ANO4: variants seen among roughly 807,000 people sequenced by gnomAD.
The protein encoded by ANO4 is anoctamin-4.
A neutral mutation model predicts 141.9 loss-of-function variants in ANO4; 69 were observed. The ratio of observed to expected loss-of-function variants is 0.49; its 90% CI spans 0.40 to 0.59. The LOEUF is 0.59. ANO4 is among the 20% of genes least tolerant of loss of function. ANO4 has a pLI of 0.00. For missense variants in ANO4, 894 were observed against 1,162.2 expected (o/e 0.77, Z 3.36); for synonymous variants, 350 against 394.3 (o/e 0.89, Z 1.33).
rs561435331 is a variant in ANO4 at position 100,976,731 on chromosome 12, C to T, written c.602+1842C>T. On this transcript the variant is annotated intron_variant, in intron 7 of 27. Coordinates refer to ENST00000392977, the MANE Select transcript of ANO4 (RefSeq NM_001286615.2). ...CAAGCTCCATCTTCTCATTAAAATA[C>T]GGATTTGACTGACTATGGGACGGGA... 8.5e-5 allele frequency among the ~76,000 whole-genome samples: 13 copies of T among 152,262 alleles called. No individual in the cohort carries two copies. In the South Asian group the frequency reaches 1.0e-3, roughly 12 times the overall value.
At chr12:100,745,890 T>A (rs2032079660) in intron 3 of ANO4, among the ~76,000 whole-genome samples, 1 of 152,140 alleles carries the variant, frequency 6.6e-6, no homozygotes, top group African/African-American at 2.4e-5. Flanking sequence ...ATCAGAAACA[T>A]CTTAGAAATA....
intron 5 of ANO4, among the ~76,000 whole-genome samples, chr12:100,963,631 T>C (rs981972767): frequency 6.6e-6 from 1 of 152,074 alleles, no homozygotes; most frequent in Non-Finnish European, 1.5e-5. Flanking sequence ...TGCAAAAAAT[T>C]TCTTTTTAGA....
At chr12:100,797,394 C>G (rs56063119) in intron 1 of ANO4, among the ~76,000 whole-genome samples, 18,207 of 151,640 alleles carry the variant, frequency 0.12, 1,364 homozygotes, top group Non-Finnish European at 0.16. Context: ...TGTCTCACAG[C>G]ATGGTGTCAT....
At chr12:101,111,822 G>T in intron 24 of ANO4, 112 bp downstream of exon 24, 1 of 919,328 alleles carries the variant, frequency 1.1e-6, no homozygotes. Flanking sequence ...CCCAGAAGGA[G>T]AGGCCTGTGA....
chr12:100,790,406 A>C (rs1372197585), upstream of ANO4, among the ~76,000 whole-genome samples: 2 of 152,186 alleles, frequency 1.3e-5, no homozygotes, highest in African/African-American at 2.4e-5. Context: ...CCATTATAAT[A>C]GTTTAAAAGA....
intron 1 of ANO4, among the ~76,000 whole-genome samples, chr12:100,874,163 C>G (rs183332241): frequency 8.5e-4 from 130 of 152,350 alleles, no homozygotes; most frequent in Non-Finnish European, 1.4e-3. Flanking sequence ...CAGCAGTCTG[C>G]TGCAGGGGTG....
chr12:100,830,068 A>G (rs971385413), intron 1 of ANO4, among the ~76,000 whole-genome samples: 1 of 152,078 alleles, frequency 6.6e-6, no homozygotes, highest in African/African-American at 2.4e-5. Context: ...GTAGGACTAT[A>G]GTCATTATGC....
intron 1 of ANO4, among the ~76,000 whole-genome samples, chr12:100,726,855 T>A (rs1182055559): frequency 6.6e-6 from 1 of 152,078 alleles, no homozygotes; most frequent in Non-Finnish European, 1.5e-5. Flanking sequence ...CTGTTTTGTT[T>A]GGCCAGTAGT....
At chr12:100,769,203 T>C (rs893012671) in intron 3 of ANO4, among the ~76,000 whole-genome samples, 1 of 152,254 alleles carries the variant, frequency 6.6e-6, no homozygotes, top group Non-Finnish European at 1.5e-5. Flanking sequence ...TTATTCATCC[T>C]CACTTTCCTC....
chr12:100,959,378 C>T (rs934805039), intron 5 of ANO4, among the ~76,000 whole-genome samples: 6 of 152,096 alleles, frequency 3.9e-5, no homozygotes, highest in African/African-American at 1.2e-4. Flanking sequence ...AAACATGCTC[C>T]CATAACTCAC....
intron 2 of ANO4, among the ~76,000 whole-genome samples, chr12:100,902,926 A>G (rs2040663724): frequency 6.6e-6 from 1 of 152,066 alleles, no homozygotes; most frequent in Admixed American, 6.6e-5. Flanking sequence ...TCTTGTTTTC[A>G]TCTCTTTCAC....
rs748441811 is a variant in ANO4 at position 100,987,663 on chromosome 12, A to G, written c.727A>G (p.Ile243Val). 6.2e-7 allele frequency: 1 copy of G among 1,613,942 alleles called. No homozygotes were observed. The highest frequency in any genetic ancestry group is 1.1e-5 in the South Asian group (1 of 91,072). The change falls in exon 8 of 28, where the codon ATC becomes GTC. Residue 243 changes from isoleucine to valine, a missense_variant. Physicochemically the swap from Ile to Val is conservative, Grantham distance 29. Transcript: ENST00000392977. ...CYTAPFSQQRIHHFIIHNKET... is the reference protein window; with the variant it reads ...CYTAPFSQQRVHHFIIHNKET... ...CACTGCCCCTTTCAGCCAGCAAAGG[A>G]TCCATCAGTGAGTGTTCCATGTTAA... is the stretch of plus-strand genomic sequence containing the variant.
At chr12:100,845,228 G>A (rs770760266) in intron 1 of ANO4, among the ~76,000 whole-genome samples, 4 of 152,158 alleles carry the variant, frequency 2.6e-5, no homozygotes, top group Non-Finnish European at 4.4e-5. Flanking sequence ...GAGATGGTGA[G>A]TGCACATAGT....
chr12:100,834,401 T>G (rs2036793624), intron 1 of ANO4, among the ~76,000 whole-genome samples: 1 of 152,082 alleles, frequency 6.6e-6, no homozygotes, highest in East Asian at 1.9e-4. Flanking sequence ...GAAACTGAAT[T>G]GCAGTGACCA....
At chr12:100,775,577 A>G (rs550449693) in intron 3 of ANO4, among the ~76,000 whole-genome samples, 83 of 152,336 alleles carry the variant, frequency 5.4e-4, no homozygotes, top group African/African-American at 1.6e-3. Context: ...CAGAATCTCA[A>G]GTATCTCACT....
At chr12:100,848,178 A>G (rs1490092739) in intron 1 of ANO4, among the ~76,000 whole-genome samples, 4 of 152,084 alleles carry the variant, frequency 2.6e-5, no homozygotes, top group Admixed American at 2.6e-4. Flanking sequence ...TCCCCTTCAG[A>G]GTACTAGCCT....
chr12:100,934,897 G>A (rs1401973337), intron 3 of ANO4, among the ~76,000 whole-genome samples: 1 of 152,164 alleles, frequency 6.6e-6, no homozygotes, highest in Non-Finnish European at 1.5e-5. Context: ...CTGTTTGTCT[G>A]TTAATGGTGT....
At chr12:101,080,628 A>C (rs1335082658) in intron 15 of ANO4, among the ~76,000 whole-genome samples, 2 of 151,866 alleles carry the variant, frequency 1.3e-5, no homozygotes, top group Admixed American at 1.3e-4. Context: ...GGAGTTCGAG[A>C]CCAGCCTGGC....
chr12:100,896,437 C>A (rs1165243957), intron 1 of ANO4, among the ~76,000 whole-genome samples: 2 of 152,176 alleles, frequency 1.3e-5, no homozygotes, highest in African/African-American at 4.8e-5. Context: ...GGAATGGATT[C>A]TCCCCAGAGC....
Sources: gnomAD v4.1 joint callset for allele counts (sites outside exome capture counted in the v4.1 genomes callset) on GRCh38, gnomAD v4.1.1 for gene constraint, MANE v1.5 for transcripts, NCBI Gene and HGNC (gene_info 2026-07-23, HGNC 2026-07-21) for gene names.